The following FIP1L1 variants were observed in gnomAD, a reference collection of about 807,000 sequenced individuals.
FIP1L1 encodes the protein factor interacting with PAPOLA and CPSF1.
In FIP1L1, 21 loss-of-function variants were observed where a neutral mutation model predicts 84.6. That is an observed-to-expected ratio of 0.25 (90% confidence interval 0.18 to 0.36). The LOEUF is 0.36. FIP1L1 is among the 10% of genes least tolerant of loss of function. The probability of loss-of-function intolerance (pLI) is 1.00; values close to 1 mark genes in which losing one functional copy is unlikely to be tolerated. For missense variants in FIP1L1, 526 were observed against 751.1 expected (o/e 0.70, Z 3.50); for synonymous variants, 263 against 242.3 (o/e 1.09, Z -0.80).
At chr4:53,381,844 A>C (rs527936328) in intron 3 of FIP1L1, among the ~76,000 whole-genome samples, 1 of 142,710 alleles carries the variant, frequency 7.0e-6, no homozygotes, top group Non-Finnish European at 1.5e-5. Context: ...CCTCACTGCA[A>C]CCTCTATCTC....
At position 53,458,803 on chromosome 4, in the gene FIP1L1, A is replaced by C; in HGVS notation, c.1637+13A>C. ...AGTCTTCTCGAAGGTTTGCTCTTTAATAAAATAGTGAACCAATAGTATGTG... is the reference window on the plus strand; with the variant it reads ...AGTCTTCTCGAAGGTTTGCTCTTTACTAAAATAGTGAACCAATAGTATGTG... On this transcript the variant is annotated intron_variant, in intron 17 of 17. Transcript: ENST00000337488. 1.9e-6 allele frequency: 3 copies of C among 1,608,260 alleles called. No homozygotes were observed. The highest frequency in any genetic ancestry group is 2.5e-6 in the Non-Finnish European group (3 of 1,177,230).
intron 4 of FIP1L1, among the ~76,000 whole-genome samples, chr4:53,383,029 T>A (rs1025559361): frequency 5.9e-5 from 9 of 151,990 alleles, no homozygotes; most frequent in African/African-American, 1.9e-4. Flanking sequence ...TTTTTTTTTT[T>A]AATTCTTTAA....
intron 11 of FIP1L1, among the ~76,000 whole-genome samples, chr4:53,422,049 C>G (rs529119126): frequency 7.2e-5 from 11 of 152,282 alleles, no homozygotes; most frequent in African/African-American, 2.4e-4. Context: ...TTGTGCTTCA[C>G]TCAGCATTAA....
chr4:53,390,003 A>G (rs1266520812), intron 6 of FIP1L1, 130 bp downstream of exon 6: 7 of 632,170 alleles, frequency 1.1e-5, no homozygotes, highest in South Asian at 4.4e-5. Flanking sequence ...CAGTGGCGCA[A>G]TCTTAGTTCA....
chr4:53,412,246 T>C (rs1233516215), intron 10 of FIP1L1, among the ~76,000 whole-genome samples: 1 of 152,126 alleles, frequency 6.6e-6, no homozygotes, highest in East Asian at 1.9e-4. Context: ...CTTAAGCATG[T>C]ATTTCCTCAG....
chr4:53,425,099 A>G (rs1354648849), intron 11 of FIP1L1, among the ~76,000 whole-genome samples: 5 of 152,148 alleles, frequency 3.3e-5, no homozygotes, highest in African/African-American at 1.2e-4. Flanking sequence ...AAATTCATCT[A>G]ATTTGCATCC....
At chr4:53,403,665 C>T (rs949647916) in intron 10 of FIP1L1, among the ~76,000 whole-genome samples, 2 of 152,084 alleles carry the variant, frequency 1.3e-5, no homozygotes, top group African/African-American at 4.8e-5. Flanking sequence ...ATGAATATGG[C>T]GGATGAGGCA....
At chr4:53,428,510 G>GA (rs1332369290) in intron 13 of FIP1L1, among the ~76,000 whole-genome samples, 1 of 151,822 alleles carries the variant, frequency 6.6e-6, no homozygotes, top group East Asian at 1.9e-4. Context: ...AATTTGTTTT[G>GA]AAAAAAACAT....
At chr4:53,411,558 A>T (rs1398262533) in intron 10 of FIP1L1, among the ~76,000 whole-genome samples, 1 of 152,142 alleles carries the variant, frequency 6.6e-6, no homozygotes. Flanking sequence ...GACCTTAGGG[A>T]GAAAACAGTA....
rs1456349189 is a variant in FIP1L1, at chr4:53,389,862, A to G, written c.386A>G (p.Tyr129Cys). 2 of 1,601,518 alleles carry G rather than the reference A, an allele frequency of 1.2e-6. No individual in the cohort carries two copies. Among genetic ancestry groups the G allele is most frequent in the South Asian group, 1.1e-5 (1 of 88,068 alleles). The change falls in exon 6 of 18, where the codon TAT (tyrosine) becomes TGT (cysteine). Residue 129 changes from tyrosine to cysteine, a missense_variant. Physicochemically the swap from Tyr to Cys is radical, Grantham distance 194 (BLOSUM62 -2). Transcript: ENST00000337488. Reference protein sequence around the residue: ...NLNIKTGGRVYGTTGTKVKGV... With the variant: ...NLNIKTGGRVCGTTGTKVKGV... ...AACATCAAGACAGGGGGAAGAGTTTATGGAACTACAGGTAAAATTTGTATT... is the reference window on the plus strand; with the variant it reads ...AACATCAAGACAGGGGGAAGAGTTTGTGGAACTACAGGTAAAATTTGTATT...
At chr4:53,424,053 T>A (rs1763417788) in intron 11 of FIP1L1, among the ~76,000 whole-genome samples, 1 of 152,150 alleles carries the variant, frequency 6.6e-6, no homozygotes. Flanking sequence ...GACTTGCAAG[T>A]CCAAACAAAT....
intron 9 of FIP1L1, among the ~76,000 whole-genome samples, chr4:53,397,171 G>T (rs1347278686): frequency 6.6e-6 from 1 of 152,346 alleles, no homozygotes; most frequent in African/African-American, 2.4e-5. Flanking sequence ...AGAGAAACCA[G>T]GAAGAAGAAA....
At chr4:53,404,618 A>G (rs1407089013) in intron 10 of FIP1L1, among the ~76,000 whole-genome samples, 1 of 151,046 alleles carries the variant, frequency 6.6e-6, no homozygotes, top group Non-Finnish European at 1.5e-5. Context: ...ACTACTTTAC[A>G]GTCCCACCAA....
At chr4:53,382,372 A>G (rs1738560236) in intron 4 of FIP1L1, 37 bp downstream of exon 4, 3 of 1,503,126 alleles carry the variant, frequency 2.0e-6, no homozygotes, top group African/African-American at 2.8e-5. Context: ...ACTGATACAA[A>G]TCTTTATCAA....
intron 16 of FIP1L1, 92 bp downstream of exon 16, chr4:53,453,225 G>A: frequency 1.4e-6 from 2 of 1,423,366 alleles, no homozygotes; most frequent in East Asian, 2.3e-5. Context: ...AGTTCACTTG[G>A]AAAAGAGATG....
chr4:53,435,885 G>A (rs73156063), intron 13 of FIP1L1, among the ~76,000 whole-genome samples: 2,050 of 152,188 alleles, frequency 0.013, 47 homozygotes, highest in African/African-American at 0.047. Flanking sequence ...ACATAGAAAC[G>A]CATTTCTGGT....
chr4:53,383,983 A>G (rs1339986534), intron 5 of FIP1L1, 107 bp downstream of exon 5: 1 of 1,050,886 alleles, frequency 9.5e-7, no homozygotes, highest in African/African-American at 1.6e-5. Flanking sequence ...ACATTTTTCT[A>G]TTTTAACATA....
intron 10 of FIP1L1, among the ~76,000 whole-genome samples, chr4:53,407,191 G>GAGAT (rs1312181882): frequency 6.6e-6 from 1 of 152,138 alleles, no homozygotes; most frequent in Non-Finnish European, 1.5e-5. Flanking sequence ...ATGTGTCCCA[G>GAGAT]AGATTCTGGT....
At chr4:53,458,469 G>GC in intron 16 of FIP1L1, 184 bp from the exon 17 acceptor site, 1 of 480,266 alleles carries the variant, frequency 2.1e-6, no homozygotes, top group Admixed American at 3.7e-5. Context: ...TAGCTCTAGT[G>GC]CTATTTTGAG....
Sources: gnomAD v4.1 joint callset for allele counts (sites outside exome capture counted in the v4.1 genomes callset) on GRCh38, gnomAD v4.1.1 for gene constraint, MANE v1.5 for transcripts, NCBI Gene and HGNC (gene_info 2026-07-23, HGNC 2026-07-21) for gene names.